CPVL: variants seen among roughly 807,000 people sequenced by gnomAD.
The protein encoded by CPVL is probable serine carboxypeptidase CPVL.
CPVL carries 51 observed loss-of-function variants against 63.7 expected under a neutral mutation model. The observed-to-expected ratio is 0.80, with a 90% CI of 0.64 to 1.01. The LOEUF (loss-of-function observed/expected upper bound fraction) is 1.01, where lower values mean the gene tolerates loss of function less well. Among genes scored for constraint, CPVL ranks in the 50% least tolerant of loss-of-function variants. The probability of loss-of-function intolerance (pLI) is 0.00; values close to 1 mark genes in which losing one functional copy is unlikely to be tolerated. For synonymous variants in CPVL, 195 were observed against 206.0 expected (o/e 0.95, Z 0.46); for missense variants, 530 against 573.1 (o/e 0.92, Z 0.77).
chr7:29,016,461 C>A (rs1455645801), intron 12 of CPVL, among the ~76,000 whole-genome samples: 1 of 152,148 alleles, frequency 6.6e-6, no homozygotes, highest in Non-Finnish European at 1.5e-5. Flanking sequence ...ATGTCATAGA[C>A]CCCCTCCAAT....
At chr7:29,107,970 C>T (rs1402541533) in intron 3 of CPVL, among the ~76,000 whole-genome samples, 10 of 152,170 alleles carry the variant, frequency 6.6e-5, no homozygotes, top group Admixed American at 6.5e-4. Context: ...TTGTTTTGGA[C>T]CAGGAGCATT....
Position 29,158,512 on chromosome 7 carries a change from GTAGCCTAGTCTT to G in CPVL, c.-11+22766_-11+22777del, listed in dbSNP as rs1167397701. ...AGAATGGCTCACTTTATTTTATTGT[GTAGCCTAGTCTT>G]TATGTGATAATATTGATACTTAAGT... On this transcript the variant is annotated intron_variant, in intron 5 of 16. Transcript: ENST00000409850. Among the ~76,000 whole-genome samples the G allele has an allele frequency of 2.7e-5, 3 of 109,392 alleles. No individual in the cohort carries two copies. In the East Asian group the frequency reaches 7.4e-4, roughly 27 times the overall value. The allele number at this position is 109,392 out of a possible 152,430, so 71.8% of individuals were successfully genotyped here.
At chr7:29,149,860 CACCT>C (rs766825466), upstream of CPVL, among the ~76,000 whole-genome samples, 8 of 152,154 alleles carry the variant, frequency 5.3e-5, no homozygotes, top group Non-Finnish European at 1.0e-4. Context: ...GTCCCAATTT[CACCT>C]ATTTATGAGG....
intron 12 of CPVL, among the ~76,000 whole-genome samples, chr7:29,025,741 G>A (rs1787429732): frequency 6.6e-6 from 1 of 152,088 alleles, no homozygotes; most frequent in Admixed American, 6.5e-5. Context: ...GTAAAAAAAA[G>A]TTTTCAATTT....
At position 29,146,441 on chromosome 7, in the gene CPVL, G is replaced by A. The variant is rs1440001714; in HGVS notation, c.-23C>T. On this transcript the variant is annotated 5_prime_UTR_variant, in exon 1 of 13. Coordinates refer to ENST00000265394, the MANE Select transcript of CPVL (RefSeq NM_031311.5). ...AGGCGGCACTTACGCGGCGCAGTCGGTGCTCCTCCCTGAGCCGCGGCGCGC... is the reference window on the plus strand; with the variant it reads ...AGGCGGCACTTACGCGGCGCAGTCGATGCTCCTCCCTGAGCCGCGGCGCGC... 3.1e-6 allele frequency: 4 copies of A among 1,281,326 alleles called. No homozygotes were observed. Among genetic ancestry groups the A allele is most frequent in the Non-Finnish European group, 4.2e-6 (4 of 957,850 alleles). 79.4% of individuals were successfully genotyped at this position (1,281,326 alleles called of 1,614,324 possible).
chr7:29,180,139 T>A (rs1797876841), intron 5 of CPVL, among the ~76,000 whole-genome samples: 1 of 152,212 alleles, frequency 6.6e-6, no homozygotes, highest in Non-Finnish European at 1.5e-5. Flanking sequence ...CCCCAATAGT[T>A]TTTTTATTAG....
At chr7:29,101,397 G>A (rs918299943) in intron 3 of CPVL, among the ~76,000 whole-genome samples, 5 of 152,088 alleles carry the variant, frequency 3.3e-5, no homozygotes, top group Admixed American at 6.6e-5. Flanking sequence ...TCAGGAGATC[G>A]AAACCATCCT....
At chr7:29,174,666 G>T (rs1246296676) in intron 5 of CPVL, among the ~76,000 whole-genome samples, 1 of 152,142 alleles carries the variant, frequency 6.6e-6, no homozygotes, top group East Asian at 1.9e-4. Flanking sequence ...TTCGAGATCA[G>T]CCTGGCCAAC....
At chr7:28,997,944 T>C (rs1281184929) in intron 12 of CPVL, among the ~76,000 whole-genome samples, 1 of 152,254 alleles carries the variant, frequency 6.6e-6, no homozygotes, top group African/African-American at 2.4e-5. Flanking sequence ...TGTGTTTTGC[T>C]GCAGTTGATC....
intron 11 of CPVL, among the ~76,000 whole-genome samples, chr7:29,048,698 T>A (rs1789860445): frequency 6.6e-6 from 1 of 152,094 alleles, no homozygotes; most frequent in Admixed American, 6.6e-5. Context: ...TACAGAACAT[T>A]TCGTCCAACA....
intron 1 of CPVL, among the ~76,000 whole-genome samples, chr7:29,140,103 C>T (rs1791704313): frequency 6.6e-6 from 1 of 152,118 alleles, no homozygotes. Flanking sequence ...ACCTACCTAC[C>T]CTCCCTCAGC....
intron 1 of CPVL, among the ~76,000 whole-genome samples, chr7:29,190,230 G>T (rs4722891): frequency 0.08 from 12,195 of 152,326 alleles, 625 homozygotes; most frequent in Non-Finnish European, 0.11. Flanking sequence ...TTGAGAAATT[G>T]ATGGCAAAAG....
At chr7:29,146,857 T>G (rs1343056927), upstream of CPVL, 2 of 1,551,152 alleles carry the variant, frequency 1.3e-6, no homozygotes, top group East Asian at 4.9e-5. Context: ...AGGACTTACT[T>G]GCAAGCCCAG....
At chr7:29,056,949 CTTT>C (rs70977101) in intron 11 of CPVL, among the ~76,000 whole-genome samples, 3 of 118,046 alleles carry the variant, frequency 2.5e-5, no homozygotes, top group Admixed American at 1.0e-4. Context: ...TTTTCCTTTT[CTTT>C]TTTTTTTTTT....
At chr7:29,162,030 C>T (rs539520979) in intron 5 of CPVL, among the ~76,000 whole-genome samples, 24 of 152,320 alleles carry the variant, frequency 1.6e-4, no homozygotes, top group Admixed American at 1.2e-3. Flanking sequence ...ATACCAAACA[C>T]TGGCATGGAT....
intron 2 of CPVL, among the ~76,000 whole-genome samples, chr7:29,118,766 C>G (rs1259918610): frequency 6.6e-6 from 1 of 152,176 alleles, no homozygotes; most frequent in Non-Finnish European, 1.5e-5. Context: ...TGCTTTTGAT[C>G]TTTAAAATGA....
At chr7:29,075,020 C>T (rs1784105798) in intron 7 of CPVL, among the ~76,000 whole-genome samples, 1 of 152,076 alleles carries the variant, frequency 6.6e-6, no homozygotes, top group Non-Finnish European at 1.5e-5. Context: ...CTTCTAAATA[C>T]TTTTCCCCTA....
chr7:29,167,204 G>A (rs1796028499), intron 5 of CPVL, among the ~76,000 whole-genome samples: 1 of 151,934 alleles, frequency 6.6e-6, no homozygotes. Flanking sequence ...ATTTATTTTT[G>A]CTTAAGTATG....
At chr7:29,101,200 C>A (rs1787081675) in intron 3 of CPVL, among the ~76,000 whole-genome samples, 1 of 152,174 alleles carries the variant, frequency 6.6e-6, no homozygotes, top group African/African-American at 2.4e-5. Flanking sequence ...CACTTTAGTT[C>A]ATTTACAGCA....
Sources: gnomAD v4.1 joint callset for allele counts (sites outside exome capture counted in the v4.1 genomes callset) on GRCh38, gnomAD v4.1.1 for gene constraint, MANE v1.5 for transcripts, NCBI Gene and HGNC (gene_info 2026-07-23, HGNC 2026-07-21) for gene names.